Variants in PCDH15 observed in about 807,000 individuals in gnomAD.
PCDH15 encodes the protein protocadherin related 15, also known as protocadherin-15.
Under a neutral mutation model 178.5 loss-of-function variants are expected in PCDH15, and 129 were observed. The ratio of observed to expected loss-of-function variants is 0.72; its 90% CI spans 0.63 to 0.84. The LOEUF (loss-of-function observed/expected upper bound fraction) is 0.84. Ranked by LOEUF, PCDH15 falls within the 40% of genes least tolerant of loss-of-function variation. The pLI is 0.00. For missense variants in PCDH15, 2,230 were observed against 2,099.9 expected (o/e 1.06, Z -1.21); for synonymous variants, 800 against 732.0 (o/e 1.09, Z -1.50).
intron 2 of PCDH15, among the ~76,000 whole-genome samples, chr10:55,111,401 G>C (rs1837497448): frequency 6.6e-6 from 1 of 152,096 alleles, no homozygotes. Context: ...TACAGCCTGA[G>C]TGAATAAGGC....
chr10:54,942,292 T>A (rs1023080249), intron 2 of PCDH15, among the ~76,000 whole-genome samples: 3 of 152,066 alleles, frequency 2.0e-5, no homozygotes, highest in Non-Finnish European at 2.9e-5. Flanking sequence ...GAGGGAGATG[T>A]GGGTTGTGGT....
chr10:55,434,083 T>TTTC (rs1838965801), intron 2 of PCDH15, among the ~76,000 whole-genome samples: 1 of 128,866 alleles, frequency 7.8e-6, no homozygotes, highest in Non-Finnish European at 1.6e-5. Flanking sequence ...TTTTCTTTTT[T>TTTC]TTTTTTTTTT....
chr10:55,157,577 T>C (rs1419609917), intron 2 of PCDH15, among the ~76,000 whole-genome samples: 1 of 150,914 alleles, frequency 6.6e-6, no homozygotes, highest in Non-Finnish European at 1.5e-5. Flanking sequence ...AATGATAGAC[T>C]GGATTAAGAA....
intron 2 of PCDH15, 113 bp downstream of exon 2, chr10:54,664,059 C>T (rs2094532172): frequency 1.2e-6 from 1 of 833,040 alleles, no homozygotes; most frequent in Non-Finnish European, 2.0e-6. Flanking sequence ...CACAGAGATA[C>T]TAACCTTTCA....
intron 1 of PCDH15, among the ~76,000 whole-genome samples, chr10:55,290,868 A>G (rs1564973792): frequency 6.6e-6 from 1 of 152,118 alleles, no homozygotes; most frequent in Non-Finnish European, 1.5e-5. Flanking sequence ...GAGGAAATTT[A>G]TCTATATCTC....
intron 2 of PCDH15, among the ~76,000 whole-genome samples, chr10:55,516,770 A>T (rs1293693229): frequency 6.6e-6 from 1 of 152,108 alleles, no homozygotes; most frequent in Non-Finnish European, 1.5e-5. Flanking sequence ...TTGTGACTGC[A>T]AGTTAAGCCA....
rs139474130 is a variant in PCDH15, at chr10:54,165,647, T to G, written c.1591-12354A>C. On this transcript the variant is annotated intron_variant, in intron 13 of 37. Transcript: ENST00000644397. ...TCTCAAAAAAAGATTTCCTCAAAGT[T>G]GGCTTCCATTAATTTCCATCTCATT... Among the ~76,000 whole-genome samples, 658 of 152,306 alleles carry G rather than the reference T, an allele frequency of 4.3e-3. 5 individuals are homozygous for G. Among genetic ancestry groups the G allele is most frequent in the African/African-American group, 0.013 (536 of 41,576 alleles).
intron 2 of PCDH15, among the ~76,000 whole-genome samples, chr10:55,370,293 C>G (rs1018082772): frequency 6.6e-6 from 1 of 151,998 alleles, no homozygotes; most frequent in African/African-American, 2.4e-5. Flanking sequence ...ATTGAACCAA[C>G]CAGATTGGCT....
intron 3 of PCDH15, among the ~76,000 whole-genome samples, chr10:54,461,793 T>C (rs1053679432): frequency 2.0e-5 from 3 of 152,116 alleles, no homozygotes; most frequent in Non-Finnish European, 4.4e-5. Context: ...ATTCTTATGG[T>C]AAGGACTTAA....
At chr10:54,140,510 C>T (rs1180328106) in intron 14 of PCDH15, among the ~76,000 whole-genome samples, 3 of 151,580 alleles carry the variant, frequency 2.0e-5, no homozygotes, top group Non-Finnish European at 4.4e-5. Context: ...TGCTCTGTTG[C>T]CAGGATGGAG....
intron 2 of PCDH15, among the ~76,000 whole-genome samples, chr10:54,637,946 C>G (rs2093900307): frequency 6.6e-6 from 1 of 152,026 alleles, no homozygotes; most frequent in African/African-American, 2.4e-5. Context: ...TTTATGTGGA[C>G]AATACTCAGA....
intron 13 of PCDH15, among the ~76,000 whole-genome samples, chr10:54,170,904 C>T (rs1484277980): frequency 6.6e-6 from 1 of 152,138 alleles, no homozygotes; most frequent in Non-Finnish European, 1.5e-5. Context: ...TTCTACTACT[C>T]CTCAGGGATT....
chr10:54,909,532 CAACT>C (rs1166636570), intron 2 of PCDH15, among the ~76,000 whole-genome samples: 1 of 152,108 alleles, frequency 6.6e-6, no homozygotes, highest in Non-Finnish European at 1.5e-5. Flanking sequence ...TGAGCAGGCC[CAACT>C]GTGGGGAGAA....
Position 55,307,863 on chromosome 10 carries a change from G to GA in PCDH15, c.-156+11735dup, listed in dbSNP as rs1287915471. On this transcript the variant is annotated intron_variant, in intron 1 of 5. Transcript: ENST00000458638. ...TATAAATATTGAAATTATAATTACA[G>GA]AAAAAATAACATTATGCAATTATTA... Among the ~76,000 whole-genome samples, 4 of 151,836 alleles carry GA rather than the reference G, an allele frequency of 2.6e-5. No individual in the cohort carries two copies. In the East Asian group the frequency reaches 5.8e-4, roughly 22 times the overall value.
intron 2 of PCDH15, among the ~76,000 whole-genome samples, chr10:55,525,401 A>C (rs1841282077): frequency 6.6e-6 from 1 of 151,928 alleles, no homozygotes; most frequent in Non-Finnish European, 1.5e-5. Context: ...TTTTTATAAT[A>C]GTGAAAGTCA....
chr10:55,534,570 C>A (rs190247844), intron 2 of PCDH15, among the ~76,000 whole-genome samples: 1 of 151,982 alleles, frequency 6.6e-6, no homozygotes, highest in Admixed American at 6.6e-5. Context: ...TAAGAAGAAA[C>A]AGATCCTGGC....
chr10:54,156,357 T>C (rs1258543818), intron 13 of PCDH15, among the ~76,000 whole-genome samples: 1 of 152,126 alleles, frequency 6.6e-6, no homozygotes, highest in Non-Finnish European at 1.5e-5. Flanking sequence ...TTTATTGGAA[T>C]GCCACGTGGA....
intron 2 of PCDH15, among the ~76,000 whole-genome samples, chr10:55,548,024 G>T (rs1589130566): frequency 6.6e-6 from 1 of 151,664 alleles, no homozygotes; most frequent in African/African-American, 2.4e-5. Context: ...CCAGAGTTGA[G>T]AAGCCATTCT....
chr10:54,315,432 C>T (rs905428691), intron 8 of PCDH15, among the ~76,000 whole-genome samples: 3 of 151,974 alleles, frequency 2.0e-5, no homozygotes, highest in African/African-American at 7.3e-5. Flanking sequence ...GATATTAGAC[C>T]TCTGTCAGAT....
Sources: gnomAD v4.1 joint callset for allele counts (sites outside exome capture counted in the v4.1 genomes callset) on GRCh38, gnomAD v4.1.1 for gene constraint, MANE v1.5 for transcripts, NCBI Gene and HGNC (gene_info 2026-07-23, HGNC 2026-07-21) for gene names.